The following ERN1 variants were observed in gnomAD, a reference collection of about 807,000 sequenced individuals.
ERN1 encodes the protein serine/threonine-protein kinase/endoribonuclease IRE1.
Under a neutral mutation model 113.1 loss-of-function variants are expected in ERN1, and 39 were observed. The ratio of observed to expected loss-of-function variants is 0.34; its 90% CI spans 0.27 to 0.45. The LOEUF is 0.45. Among genes scored for constraint, ERN1 ranks in the 20% least tolerant of loss-of-function variants. The pLI is 1.00. For missense variants in ERN1, 976 were observed against 1,274.8 expected (o/e 0.77, Z 3.57); for synonymous variants, 507 against 515.9 (o/e 0.98, Z 0.23).
intron 1 of ERN1, among the ~76,000 whole-genome samples, chr17:64,110,833 A>G (rs577068790): frequency 2.2e-4 from 33 of 152,340 alleles, no homozygotes; most frequent in African/African-American, 6.5e-4. Context: ...TAGAGATTGG[A>G]AAGCACAAGA....
At chr17:64,056,037 G>A in intron 12 of ERN1, 89 bp from the exon 13 acceptor site, 1 of 1,456,224 alleles carries the variant, frequency 6.9e-7, no homozygotes, top group Non-Finnish European at 9.1e-7. Context: ...GTGGCGGAGG[G>A]AGCATGTGTA....
rs374953754 is a variant in ERN1, at chr17:64,044,099, G to A, written c.2823C>T (p.Leu941=). Residue 941 remains leucine (L), a synonymous_variant, in exon 22 of 22, where the codon CTC becomes CTT. Transcript: ENST00000433197. This position sits in a 1 kb window ranked among gnomAD's most constrained non-coding sequence, Gnocchi z 4.1. ...CYFTSRFPHL[L]AHTYRAMELC... ...GCTCCATGGCCCGGTAGGTGTGTGC[G>A]AGGAGGTGGGGGAAGCGAGATGTGA... The A allele has an allele frequency of 3.6e-5, 58 of 1,613,222 alleles. 1 individual carries two copies. In the Admixed American group the frequency reaches 8.2e-4, roughly 23 times the overall value.
At chr17:64,118,226 A>G (rs1314992146) in intron 1 of ERN1, among the ~76,000 whole-genome samples, 1 of 152,202 alleles carries the variant, frequency 6.6e-6, no homozygotes, top group African/African-American at 2.4e-5. Context: ...ATGAGGAAGC[A>G]GAGGGGGAAA....
chr17:64,082,157 G>T (rs1913786613), intron 2 of ERN1, among the ~76,000 whole-genome samples: 1 of 152,126 alleles, frequency 6.6e-6, no homozygotes, highest in African/African-American at 2.4e-5. Flanking sequence ...TAAAAGCCCA[G>T]CTCCTATACA....
chr17:64,089,059 C>T (rs1313833976), intron 2 of ERN1, among the ~76,000 whole-genome samples: 1 of 152,090 alleles, frequency 6.6e-6, no homozygotes, highest in Admixed American at 6.5e-5. Flanking sequence ...GTGGCTCACG[C>T]CTGTAATCCC....
rs148528697 is a variant in ERN1, at chr17:64,078,693, C to T, written c.282+969G>A. 8.6e-4 allele frequency among the ~76,000 whole-genome samples: 131 copies of T among 152,054 alleles called. No homozygotes were observed. In the East Asian group the frequency reaches 0.02, roughly 23 times the overall value. On this transcript the variant is annotated intron_variant, in intron 4 of 21. Coordinates refer to ENST00000433197, the MANE Select transcript of ERN1 (RefSeq NM_001433.5). ...ATTCCTATATGGATATCCCAATTGA[C>T]CTACACCACTTATTGCAAAAACACT...
intron 2 of ERN1, among the ~76,000 whole-genome samples, chr17:64,097,201 G>A (rs1027474324): frequency 1.3e-5 from 2 of 152,218 alleles, no homozygotes; most frequent in Non-Finnish European, 1.5e-5. Flanking sequence ...GGGCAGGATG[G>A]CTTGTGGTAA....
chr17:64,065,375 G>A (rs539425052), intron 8 of ERN1, 88 bp from the exon 9 acceptor site: 18 of 948,812 alleles, frequency 1.9e-5, no homozygotes, highest in Admixed American at 9.5e-5. Context: ...AATACCACCC[G>A]CAGGGATGAC....
intron 2 of ERN1, among the ~76,000 whole-genome samples, chr17:64,081,124 A>AC (rs1201304896): frequency 2.6e-5 from 4 of 152,224 alleles, no homozygotes; most frequent in Non-Finnish European, 5.9e-5. Flanking sequence ...AGAACCAGTC[A>AC]CCACACACCG....
chr17:64,111,319 C>T (rs559851395), intron 1 of ERN1, among the ~76,000 whole-genome samples: 13 of 151,976 alleles, frequency 8.6e-5, no homozygotes, highest in African/African-American at 2.7e-4. Flanking sequence ...AAGTCACTAC[C>T]CTGGTCAGGC....
intron 1 of ERN1, among the ~76,000 whole-genome samples, chr17:64,103,723 G>T (rs1057376962): frequency 6.6e-6 from 1 of 152,048 alleles, no homozygotes; most frequent in African/African-American, 2.4e-5. Context: ...TATATTTCAG[G>T]TAAGAAAAAA....
At chr17:64,050,377 C>T (rs1347116730) in intron 17 of ERN1, among the ~76,000 whole-genome samples, 1 of 152,126 alleles carries the variant, frequency 6.6e-6, no homozygotes, top group Admixed American at 6.5e-5. Context: ...CTGCCTGGCC[C>T]CAATTATGTT....
chr17:64,096,487 A>T (rs1914233231), intron 2 of ERN1, among the ~76,000 whole-genome samples: 1 of 152,174 alleles, frequency 6.6e-6, no homozygotes, highest in Admixed American at 6.5e-5. Flanking sequence ...CTACATTACA[A>T]TGTAGTAATA....
chr17:64,056,924 G>T (rs1370592699), intron 12 of ERN1, among the ~76,000 whole-genome samples: 1 of 152,168 alleles, frequency 6.6e-6, no homozygotes, highest in African/African-American at 2.4e-5. Flanking sequence ...TCCTGGGCGG[G>T]TCATTAGCTT....
At chr17:64,094,580 A>G (rs902749017) in intron 2 of ERN1, among the ~76,000 whole-genome samples, 1 of 150,872 alleles carries the variant, frequency 6.6e-6, no homozygotes, top group African/African-American at 2.4e-5. Context: ...CCGCCACATC[A>G]ACTCTGTGCT....
chr17:64,083,667 T>A (rs1178097964), intron 2 of ERN1, among the ~76,000 whole-genome samples: 10 of 152,034 alleles, frequency 6.6e-5, no homozygotes, highest in Non-Finnish European at 1.3e-4. Context: ...CTCCCAGGAT[T>A]AACACGGGAA....
intron 1 of ERN1, among the ~76,000 whole-genome samples, chr17:64,122,973 C>G (rs1914990473): frequency 6.6e-6 from 1 of 151,516 alleles, no homozygotes; most frequent in Admixed American, 6.6e-5. Flanking sequence ...AAAAGCAAAA[C>G]AAAACAAAAA....
intron 4 of ERN1, among the ~76,000 whole-genome samples, chr17:64,076,335 ATAACTTGGATT>A (rs1358051609): frequency 1.3e-5 from 2 of 152,258 alleles, no homozygotes; most frequent in African/African-American, 2.4e-5. Context: ...TGCATACTAA[ATAACTTGGATT>A]TTCCCATCAT....
chr17:64,111,675 G>T (rs1914676478), intron 1 of ERN1, among the ~76,000 whole-genome samples: 1 of 152,132 alleles, frequency 6.6e-6, no homozygotes, highest in Non-Finnish European at 1.5e-5. Context: ...CAATCTTATT[G>T]CCATCTTCTC....
Sources: allele counts gnomAD v4.1 joint callset (sites outside exome capture counted in the v4.1 genomes callset), GRCh38; gene constraint gnomAD v4.1.1; non-coding constraint Gnocchi (gnomAD v3.1); transcripts MANE v1.5; gene names NCBI Gene and HGNC (gene_info 2026-07-23, HGNC 2026-07-21).